Variants in DGKI observed in about 807,000 individuals in gnomAD.
DGKI encodes the protein diacylglycerol kinase iota.
A neutral mutation model predicts 147.5 loss-of-function variants in DGKI; 55 were observed. The ratio of observed to expected loss-of-function variants is 0.37; its 90% CI spans 0.30 to 0.47. The LOEUF (loss-of-function observed/expected upper bound fraction) is 0.47. Among genes scored for constraint, DGKI ranks in the 20% least tolerant of loss-of-function variants. The pLI is 1.00. For synonymous variants in DGKI, 469 were observed against 477.1 expected (o/e 0.98, Z 0.22); for missense variants, 1,007 against 1,323.8 (o/e 0.76, Z 3.71).
intron 19 of DGKI, among the ~76,000 whole-genome samples, chr7:137,564,901 G>A (rs1487873091): frequency 1.3e-5 from 2 of 152,152 alleles, no homozygotes; most frequent in African/African-American, 2.4e-5. Flanking sequence ...GGCTCCTACC[G>A]CCCCCACCGC....
At chr7:137,480,033 C>T (rs747543761) in intron 23 of DGKI, among the ~76,000 whole-genome samples, 2 of 152,022 alleles carry the variant, frequency 1.3e-5, no homozygotes, top group Non-Finnish European at 2.9e-5. Context: ...ACCCAGATTT[C>T]GAAGATGAAG....
intron 3 of DGKI, among the ~76,000 whole-genome samples, chr7:137,663,307 TCAA>T (rs1424157773): frequency 1.3e-5 from 2 of 152,200 alleles, no homozygotes; most frequent in East Asian, 3.9e-4. Context: ...GGCGACATGC[TCAA>T]CAACAGCCCA....
At position 137,465,998 on chromosome 7, in the gene DGKI, T is replaced by A; in HGVS notation, c.2522A>T (p.Glu841Val). Residue 841 changes from glutamate (E) to valine (V), a missense_variant, in exon 26 of 33, where the codon GAG (glutamate) becomes GTG (valine). Glu to Val is a moderately radical substitution (Grantham distance 121, BLOSUM62 -2). Coordinates refer to ENST00000614521, the MANE Select transcript of DGKI (RefSeq NM_001321708.2). The part of the protein sequence containing the change: ...LHFVMEISQD[E>V]IFILDPDMVV... Reference sequence around the variant, plus strand: ...CATATCTGGGTCCAGAATAAAAATCTCATCTTGGGAAATCTCCATCACAAA... The same window carrying A: ...CATATCTGGGTCCAGAATAAAAATCACATCTTGGGAAATCTCCATCACAAA... 1 of 1,614,064 alleles carries A rather than the reference T, an allele frequency of 6.2e-7. No individual in the cohort carries two copies.
chr7:137,603,762 G>A (rs1430617096), intron 10 of DGKI, among the ~76,000 whole-genome samples: 1 of 152,176 alleles, frequency 6.6e-6, no homozygotes, highest in East Asian at 1.9e-4. Flanking sequence ...AATAGATGAA[G>A]AACCTTCAGG....
intron 22 of DGKI, among the ~76,000 whole-genome samples, chr7:137,487,345 T>A (rs1815601196): frequency 6.6e-6 from 1 of 152,148 alleles, no homozygotes; most frequent in Admixed American, 6.5e-5. Flanking sequence ...ATGTGTCTGG[T>A]AAAATGACAA....
At chr7:137,470,368 T>A (rs1404319456) in intron 23 of DGKI, among the ~76,000 whole-genome samples, 1 of 152,158 alleles carries the variant, frequency 6.6e-6, no homozygotes. Context: ...TGGGTTCGGA[T>A]AAAAATAGTT....
chr7:137,668,687 T>C (rs1364125227), intron 3 of DGKI, among the ~76,000 whole-genome samples: 1 of 152,160 alleles, frequency 6.6e-6, no homozygotes, highest in Non-Finnish European at 1.5e-5. Context: ...TTTTTAAAAG[T>C]ATGATAGCTA....
intron 1 of DGKI, among the ~76,000 whole-genome samples, chr7:137,828,387 C>T (rs1441279987): frequency 6.6e-6 from 1 of 152,124 alleles, no homozygotes; most frequent in East Asian, 1.9e-4. Context: ...ATTCCTCATG[C>T]TATAAAACAG....
At chr7:137,759,402 C>T (rs1418168232) in intron 1 of DGKI, among the ~76,000 whole-genome samples, 4 of 151,592 alleles carry the variant, frequency 2.6e-5, no homozygotes, top group Non-Finnish European at 2.9e-5. Flanking sequence ...AGTGCGATGG[C>T]GCGATCTCAG....
intron 19 of DGKI, among the ~76,000 whole-genome samples, chr7:137,556,673 CTT>C (rs1257118173): frequency 6.6e-6 from 1 of 152,092 alleles, no homozygotes; most frequent in Non-Finnish European, 1.5e-5. Context: ...TAAGGGAAGA[CTT>C]AAGTAAATGG....
intron 12 of DGKI, among the ~76,000 whole-genome samples, chr7:137,588,542 T>C (rs1339669312): frequency 6.8e-6 from 1 of 146,240 alleles, no homozygotes; most frequent in African/African-American, 2.6e-5. Context: ...AGCGGCAAGA[T>C]CTCCGCTCAC....
At chr7:137,617,018 G>A (rs1820554738) in intron 8 of DGKI, among the ~76,000 whole-genome samples, 1 of 149,550 alleles carries the variant, frequency 6.7e-6, no homozygotes, top group Non-Finnish European at 1.5e-5. Flanking sequence ...AGACAGATTA[G>A]GATGACAGTT....
chr7:137,540,667 C>T (rs1280882950), intron 20 of DGKI, among the ~76,000 whole-genome samples: 1 of 140,788 alleles, frequency 7.1e-6, no homozygotes, highest in Non-Finnish European at 1.5e-5. Context: ...GCCTGGGTGA[C>T]AGAGTGAGAC....
At chr7:137,738,315 C>A (rs1585427840) in intron 1 of DGKI, among the ~76,000 whole-genome samples, 1 of 152,106 alleles carries the variant, frequency 6.6e-6, no homozygotes, top group Non-Finnish European at 1.5e-5. Flanking sequence ...AGGAGAGACA[C>A]ATATTAAATA....
rs1357422235 is a variant in DGKI at position 137,387,136 on chromosome 7, G to C, written c.*4084C>G. ...AGCCTGCCCTAATTAAATATCACTA[G>C]GCAACCTACTGAGTGTTAGTGTTAC... On this transcript the variant is annotated 3_prime_UTR_variant, in exon 33 of 33. Coordinates refer to ENST00000614521, the MANE Select transcript of DGKI (RefSeq NM_001321708.2). 1 of 152,102 alleles carries C rather than the reference G, an allele frequency of 6.6e-6. No homozygotes were observed. Among genetic ancestry groups the C allele is most frequent in the Admixed American group, 6.6e-5 (1 of 15,258 alleles). 9.4% of individuals were successfully genotyped at this position (152,102 alleles called of 1,614,324 possible).
At chr7:137,681,595 C>G (rs1360142609) in intron 2 of DGKI, among the ~76,000 whole-genome samples, 2 of 152,182 alleles carry the variant, frequency 1.3e-5, no homozygotes, top group African/African-American at 4.8e-5. Flanking sequence ...GTGCCAGGCA[C>G]TGAGATTCTG....
At chr7:137,676,308 C>T (rs1043678922) in intron 3 of DGKI, among the ~76,000 whole-genome samples, 2 of 152,156 alleles carry the variant, frequency 1.3e-5, no homozygotes, top group African/African-American at 2.4e-5. Flanking sequence ...AATTGGGATG[C>T]CTTTGTATTC....
chr7:137,741,959 C>A (rs1795184655), intron 1 of DGKI, among the ~76,000 whole-genome samples: 1 of 152,108 alleles, frequency 6.6e-6, no homozygotes, highest in South Asian at 2.1e-4. Context: ...AAATTCCTGT[C>A]AAAAATGTAT....
chr7:137,696,483 C>T (rs1823792890), intron 1 of DGKI, among the ~76,000 whole-genome samples: 1 of 108,034 alleles, frequency 9.3e-6, no homozygotes. Context: ...GTAAAAATGG[C>T]CTGGCAGCTG....
Sources: allele counts gnomAD v4.1 joint callset (sites outside exome capture counted in the v4.1 genomes callset), GRCh38; gene constraint gnomAD v4.1.1; transcripts MANE v1.5; gene names NCBI Gene and HGNC (gene_info 2026-07-23, HGNC 2026-07-21).